The following CRACD variants were observed in gnomAD, a reference collection of about 807,000 sequenced individuals.
The protein encoded by CRACD is capping protein-inhibiting regulator of actin dynamics.
Under a neutral mutation model 106.8 loss-of-function variants are expected in CRACD, and 56 were observed. The ratio of observed to expected loss-of-function variants is 0.52; its 90% confidence interval spans 0.42 to 0.66. The LOEUF is 0.66. Ranked by LOEUF, CRACD falls within the 30% of genes least tolerant of loss-of-function variation. The pLI is 0.00. For synonymous variants in CRACD, 754 were observed against 670.8 expected (o/e 1.12, Z -1.92); for missense variants, 1,730 against 1,623.2 (o/e 1.07, Z -1.13).
chr4:56,072,299 A>G (rs867522519), intron 1 of CRACD, among the ~76,000 whole-genome samples: 25 of 152,202 alleles, frequency 1.6e-4, no homozygotes, highest in Admixed American at 2.6e-4. Context: ...AAAGGTTTTC[A>G]TTAAAACTGA....
chr4:56,232,090 T>C (rs1201082401), intron 2 of CRACD, among the ~76,000 whole-genome samples: 2 of 152,196 alleles, frequency 1.3e-5, no homozygotes, highest in Non-Finnish European at 2.9e-5. Flanking sequence ...TGTACAGTAA[T>C]TCCGCCTTCC....
chr4:56,271,065 A>G (rs1042046073), intron 2 of CRACD, among the ~76,000 whole-genome samples: 3 of 149,818 alleles, frequency 2.0e-5, no homozygotes, highest in Admixed American at 6.7e-5. Context: ...AGATCGTGCC[A>G]TTGCACTCCA....
At chr4:56,260,088 G>C (rs1166336457) in intron 2 of CRACD, among the ~76,000 whole-genome samples, 2 of 152,164 alleles carry the variant, frequency 1.3e-5, no homozygotes. Flanking sequence ...TAGCTATAAG[G>C]ATCTGCCATG....
At chr4:56,291,178 A>G (rs3733323) in intron 3 of CRACD, among the ~76,000 whole-genome samples, 6,368 of 152,232 alleles carry the variant, frequency 0.042, 242 homozygotes, top group East Asian at 0.22. Flanking sequence ...GCAGAGAGAG[A>G]GTGAGGGAAA....
At position 56,313,366 on chromosome 4, in the gene CRACD, G is replaced by T; in HGVS notation, c.524G>T (p.Arg175Met). The T allele has an allele frequency of 6.2e-7, 1 of 1,613,740 alleles. No individual in the cohort carries two copies. Among genetic ancestry groups the T allele is most frequent in the African/African-American group, 1.3e-5 (1 of 75,058 alleles). The change falls in exon 7 of 11, where the codon AGG (arginine) becomes ATG (methionine). Residue 175 changes from arginine (R) to methionine (M), a missense_variant. Physicochemically the swap from Arg to Met is moderately conservative, Grantham distance 91 (BLOSUM62 -1). Transcript: ENST00000682029. ...PKKQRVSKKH[R>M]RLAQDPQHEQ... The stretch of plus-strand genomic sequence containing the variant: ...AAACAGAGGGTGTCAAAGAAGCACA[G>T]GCGCCTTGCCCAGGTGTGTAGAGCC...
chr4:56,310,749 A>G lies in CRACD; in HGVS notation c.354+15A>G. On this transcript the variant is annotated intron_variant, in intron 6 of 10. Coordinates refer to ENST00000682029, the MANE Select transcript of CRACD (RefSeq NM_001393381.1). ...TGGAAGAGAAGGTAATATGATTTGA[A>G]CTTATTTATTTGGCTTCTTTCCTTA... is the stretch of plus-strand genomic sequence containing the variant. 1.3e-6 allele frequency: 2 copies of G among 1,576,204 alleles called. No individual in the cohort carries two copies. The highest frequency in any genetic ancestry group is 1.7e-6 in the Non-Finnish European group (2 of 1,147,320).
chr4:56,057,195 G>A (rs961312948), intron 1 of CRACD, among the ~76,000 whole-genome samples: 1 of 152,170 alleles, frequency 6.6e-6, no homozygotes, highest in African/African-American at 2.4e-5. Context: ...TTACTGATGA[G>A]AAGGCTAAGG....
intron 2 of CRACD, among the ~76,000 whole-genome samples, chr4:56,254,970 T>C (rs1255246361): frequency 6.6e-6 from 1 of 151,434 alleles, no homozygotes; most frequent in Non-Finnish European, 1.5e-5. Flanking sequence ...TAATAATAAC[T>C]AGGAGTAGTG....
chr4:56,222,779 C>T (rs1739112402), intron 2 of CRACD, among the ~76,000 whole-genome samples: 1 of 151,760 alleles, frequency 6.6e-6, no homozygotes, highest in Non-Finnish European at 1.5e-5. Context: ...CCCATCTCTA[C>T]TGAAAAACAA....
chr4:56,309,837 G>C (rs1436295925), intron 5 of CRACD, among the ~76,000 whole-genome samples: 2 of 152,022 alleles, frequency 1.3e-5, no homozygotes, highest in African/African-American at 4.8e-5. Flanking sequence ...CTGGGCGACA[G>C]AGCAAGACTT....
At chr4:56,218,703 C>T (rs1238336130) in intron 2 of CRACD, among the ~76,000 whole-genome samples, 2 of 151,100 alleles carry the variant, frequency 1.3e-5, no homozygotes, top group Non-Finnish European at 3.0e-5. Context: ...AAACACCTGG[C>T]CTCAAGCAAT....
chr4:56,304,266 A>C (rs1577883703), intron 4 of CRACD, among the ~76,000 whole-genome samples: 1 of 138,450 alleles, frequency 7.2e-6, no homozygotes, highest in Admixed American at 7.3e-5. Context: ...TACTCTTTTC[A>C]TTTCTCTGCT....
intron 1 of CRACD, among the ~76,000 whole-genome samples, chr4:56,110,665 T>C (rs1734088639): frequency 6.6e-6 from 1 of 152,176 alleles, no homozygotes; most frequent in African/African-American, 2.4e-5. Flanking sequence ...GGTGCAATCT[T>C]GGCTCACTGG....
chr4:56,164,021 A>C lies in CRACD; in HGVS notation c.-335-15263A>C, dbSNP rs544674697. Among the ~76,000 whole-genome samples the C allele has an allele frequency of 2.0e-5, 3 of 152,248 alleles. No homozygotes were observed. The South Asian group carries it at 6.2e-4, about 32-fold the overall frequency. On this transcript the variant is annotated intron_variant, in intron 1 of 10. Transcript: ENST00000682029. ...CTCAGCCTCCCAAAGTGCTGGGATT[A>C]CAGGTGTGAGCCAGTGCCTGACCTT... is the stretch of plus-strand genomic sequence containing the variant.
Position 56,164,423 on chromosome 4 carries a change from C to T in CRACD, c.-335-14861C>T, listed in dbSNP as rs575201125. 7.9e-5 allele frequency among the ~76,000 whole-genome samples: 12 copies of T among 152,226 alleles called. No homozygotes were observed. In the South Asian group the frequency reaches 8.3e-4, roughly 11 times the overall value. ...TGCTGGGATTACAGGCGTGAGCCACCGCACCTGGCCCAGGAGATAATTTTT... is the reference window on the plus strand; with the variant it reads ...TGCTGGGATTACAGGCGTGAGCCACTGCACCTGGCCCAGGAGATAATTTTT... On this transcript the variant is annotated intron_variant, in intron 1 of 10. Transcript: ENST00000682029.
chr4:56,307,079 T>C (rs1296149213), intron 4 of CRACD, among the ~76,000 whole-genome samples: 1 of 152,152 alleles, frequency 6.6e-6, no homozygotes, highest in Non-Finnish European at 1.5e-5. Flanking sequence ...GGCTGGAGAG[T>C]TGCACCAACC....
At chr4:56,183,644 T>A (rs13114859) in intron 2 of CRACD, among the ~76,000 whole-genome samples, 1 of 152,132 alleles carries the variant, frequency 6.6e-6, no homozygotes, top group South Asian at 2.1e-4. Context: ...GTGTTAAGTC[T>A]GGGAGGTGAG....
chr4:56,155,613 G>A (rs144605596), intron 1 of CRACD, among the ~76,000 whole-genome samples: 3 of 152,150 alleles, frequency 2.0e-5, no homozygotes, highest in Non-Finnish European at 4.4e-5. Context: ...TTTTACAGAT[G>A]AGGAAACTGA....
chr4:56,187,601 AAAC>A (rs750106012), intron 2 of CRACD, among the ~76,000 whole-genome samples: 4 of 152,096 alleles, frequency 2.6e-5, no homozygotes, highest in Non-Finnish European at 4.4e-5. Context: ...CCAAACAAAC[AAAC>A]AACAACAAAA....
Sources: gnomAD v4.1 joint callset for allele counts (sites outside exome capture counted in the v4.1 genomes callset) on GRCh38, gnomAD v4.1.1 for gene constraint, MANE v1.5 for transcripts, NCBI Gene and HGNC (gene_info 2026-07-23, HGNC 2026-07-21) for gene names.